CA10: variants seen among roughly 807,000 people sequenced by gnomAD.
CA10 encodes the protein carbonic anhydrase 10 (inactive).
A neutral mutation model predicts 44.2 loss-of-function variants in CA10; 14 were observed. That is an observed-to-expected ratio of 0.32 (90% CI 0.21 to 0.50). The LOEUF (loss-of-function observed/expected upper bound fraction) is 0.50. Ranked by LOEUF, CA10 falls within the 20% of genes least tolerant of loss-of-function variation. CA10 has a pLI of 0.99. For missense variants in CA10, 350 were observed against 409.7 expected, an observed-to-expected ratio of 0.85 and a Z score of 1.26; for synonymous variants, 159 against 141.6, an observed-to-expected ratio of 1.12 and a Z score of -0.87.
At chr17:52,050,007 AT>A (rs1321487233) in intron 2 of CA10, among the ~76,000 whole-genome samples, 2 of 152,104 alleles carry the variant, frequency 1.3e-5, no homozygotes, top group Non-Finnish European at 2.9e-5. Flanking sequence ...GCTATACCAC[AT>A]AGCCTAGGTG....
chr17:51,940,431 G>A (rs1331948610), intron 2 of CA10, among the ~76,000 whole-genome samples: 1 of 152,052 alleles, frequency 6.6e-6, no homozygotes, highest in African/African-American at 2.4e-5. Context: ...GAACCCTTAA[G>A]CTGTTGGACC....
At chr17:51,708,831 CT>C (rs964281500) in intron 4 of CA10, among the ~76,000 whole-genome samples, 3 of 152,236 alleles carry the variant, frequency 2.0e-5, no homozygotes, top group Admixed American at 1.3e-4. Context: ...ACTCCAAGTT[CT>C]TCAGCTTTTG....
chr17:51,818,862 TTAAG>T (rs1240272173), intron 3 of CA10, among the ~76,000 whole-genome samples: 1 of 152,012 alleles, frequency 6.6e-6, no homozygotes, highest in African/African-American at 2.4e-5. Flanking sequence ...TGTCAAGAGG[TTAAG>T]TAAGATGATG....
chr17:51,824,724 C>T (rs898799468), intron 3 of CA10, among the ~76,000 whole-genome samples: 2 of 152,212 alleles, frequency 1.3e-5, no homozygotes, highest in African/African-American at 4.8e-5. Context: ...GCATTTCCTC[C>T]CTCCAGGCCT....
intron 3 of CA10, among the ~76,000 whole-genome samples, chr17:51,775,285 T>G (rs2143664704): frequency 6.6e-6 from 1 of 152,310 alleles, no homozygotes; most frequent in African/African-American, 2.4e-5. Context: ...GTCAGCCTGA[T>G]GGTTTAGGGT....
chr17:51,898,258 G>GT (rs1041844936), intron 3 of CA10, among the ~76,000 whole-genome samples: 4 of 151,474 alleles, frequency 2.6e-5, no homozygotes, highest in African/African-American at 4.8e-5. Flanking sequence ...CTGGTTTGTT[G>GT]TTTTTTTAAA....
intron 2 of CA10, 121 bp downstream of exon 2, chr17:52,072,198 G>C (rs1290461288): frequency 3.1e-6 from 2 of 647,798 alleles, no homozygotes; most frequent in Non-Finnish European, 5.3e-6. Context: ...TCTTGATGGA[G>C]TATTCATTGC....
At chr17:51,643,949 G>A (rs1374161605) in intron 6 of CA10, among the ~76,000 whole-genome samples, 1 of 152,136 alleles carries the variant, frequency 6.6e-6, no homozygotes, top group African/African-American at 2.4e-5. Flanking sequence ...CTTGCTTAAA[G>A]TCAGGCAACA....
intron 3 of CA10, among the ~76,000 whole-genome samples, chr17:51,887,118 C>T (rs915164233): frequency 5.9e-5 from 9 of 151,668 alleles, no homozygotes; most frequent in Non-Finnish European, 1.0e-4. Flanking sequence ...TATATATATC[C>T]TATAAGTCTG....
chr17:51,868,891 G>GT (rs75281671), intron 3 of CA10, among the ~76,000 whole-genome samples: 2,915 of 139,232 alleles, frequency 0.021, 40 homozygotes, highest in East Asian at 0.048. Flanking sequence ...AAGTTTTTTT[G>GT]TTTTTTTTTT....
At chr17:52,147,690 G>C (rs1483968386) in intron 1 of CA10, among the ~76,000 whole-genome samples, 1 of 152,068 alleles carries the variant, frequency 6.6e-6, no homozygotes, top group Non-Finnish European at 1.5e-5. Context: ...AGGGGTTTGA[G>C]TCACTGTAAC....
intron 2 of CA10, among the ~76,000 whole-genome samples, chr17:51,939,180 T>G (rs567797908): frequency 6.6e-6 from 1 of 152,226 alleles, no homozygotes; most frequent in East Asian, 1.9e-4. Flanking sequence ...AGAAGTATTT[T>G]TATAAAAAGT....
intron 3 of CA10, among the ~76,000 whole-genome samples, chr17:51,900,717 C>A (rs1366534492): frequency 2.6e-5 from 4 of 152,044 alleles, no homozygotes; most frequent in Admixed American, 2.6e-4. Context: ...TGGTTTTGTT[C>A]ATTTTTTTCT....
chr17:51,650,111 C>A (rs1315821385), intron 5 of CA10, among the ~76,000 whole-genome samples: 1 of 152,160 alleles, frequency 6.6e-6, no homozygotes, highest in Non-Finnish European at 1.5e-5. Flanking sequence ...CTTATAGCTT[C>A]AAATTCCTCT....
chr17:51,664,089 T>C (rs139530572), intron 4 of CA10, among the ~76,000 whole-genome samples: 6 of 152,314 alleles, frequency 3.9e-5, no homozygotes, highest in African/African-American at 1.4e-4. Context: ...TATTAAGTCA[T>C]TCCAGAGCCC....
intron 3 of CA10, among the ~76,000 whole-genome samples, chr17:51,894,277 T>G (rs1286783299): frequency 6.6e-6 from 1 of 152,088 alleles, no homozygotes; most frequent in Non-Finnish European, 1.5e-5. Context: ...GCTGTCCCGT[T>G]CAAAAGGCTG....
intron 3 of CA10, among the ~76,000 whole-genome samples, chr17:51,868,293 G>A (rs151226818): frequency 7.9e-4 from 121 of 152,212 alleles, no homozygotes; most frequent in Admixed American, 1.2e-3. Flanking sequence ...AATCTATTCC[G>A]CTCCTTCTCA....
At chr17:51,913,075 C>G (rs1981853396) in intron 3 of CA10, among the ~76,000 whole-genome samples, 1 of 152,178 alleles carries the variant, frequency 6.6e-6, no homozygotes, top group African/African-American at 2.4e-5. Flanking sequence ...CATCCATTAA[C>G]TAAGTCTTCC....
intron 2 of CA10, among the ~76,000 whole-genome samples, chr17:52,058,790 G>T (rs1049498292): frequency 6.6e-6 from 1 of 152,022 alleles, no homozygotes. Context: ...TCTTTTTTCT[G>T]CAGCCAATCC....
Sources: gnomAD v4.1 joint callset for allele counts (sites outside exome capture counted in the v4.1 genomes callset) on GRCh38, gnomAD v4.1.1 for gene constraint, MANE v1.5 for transcripts, NCBI Gene and HGNC (gene_info 2026-07-23, HGNC 2026-07-21) for gene names.